PI4KA: variants seen among roughly 807,000 people sequenced by gnomAD.
PI4KA encodes the protein phosphatidylinositol 4-kinase alpha.
A neutral mutation model predicts 271.4 loss-of-function variants in PI4KA; 122 were observed. The observed-to-expected ratio is 0.45, with a 90% CI of 0.39 to 0.52. The LOEUF is 0.52. Ranked by LOEUF, PI4KA falls within the 20% of genes least tolerant of loss-of-function variation. The probability of loss-of-function intolerance (pLI) is 0.00; values close to 1 mark genes in which losing one functional copy is unlikely to be tolerated. For synonymous variants in PI4KA, 1,041 were observed against 1,078.8 expected, an observed-to-expected ratio of 0.96 and a Z score of 0.69; for missense variants, 1,969 against 2,769.1, an observed-to-expected ratio of 0.71 and a Z score of 6.48.
chr22:20,771,931 TCAAA>T (rs944730099), intron 19 of PI4KA, among the ~76,000 whole-genome samples: 6 of 151,752 alleles, frequency 4.0e-5, no homozygotes, highest in Non-Finnish European at 5.9e-5. Flanking sequence ...TAGAAAAAGG[TCAAA>T]CAAAGAAGTA....
chr22:20,838,052 C>T lies in PI4KA; in HGVS notation c.273+563G>A, dbSNP rs572916216. Among the ~76,000 whole-genome samples the T allele has an allele frequency of 3.0e-3, 446 of 150,248 alleles. 1 individual carries two copies. The highest frequency in any genetic ancestry group is 0.01 in the African/African-American group (427 of 40,838). On this transcript the variant is annotated intron_variant, in intron 2 of 54. Coordinates refer to ENST00000255882, the MANE Select transcript of PI4KA (RefSeq NM_058004.4). ...AGGAGAATCACTTGAACCCTGGAGG[C>T]AGAGGTTGCAGTGAGCCGAGATTGC... is the stretch of plus-strand genomic sequence containing the variant.
At chr22:20,723,851 T>A (rs1927033282) in intron 42 of PI4KA, among the ~76,000 whole-genome samples, 1 of 151,382 alleles carries the variant, frequency 6.6e-6, no homozygotes, top group Non-Finnish European at 1.5e-5. Context: ...TATTTATTAT[T>A]TTTTTGAGAC....
At chr22:20,783,148 G>C (rs1305319570) in intron 19 of PI4KA, among the ~76,000 whole-genome samples, 1 of 152,182 alleles carries the variant, frequency 6.6e-6, no homozygotes, top group Non-Finnish European at 1.5e-5. Context: ...ATTACTATTA[G>C]TTACTCACAT....
At chr22:20,717,885 C>G (rs942497306) in intron 44 of PI4KA, 107 bp from the exon 45 acceptor site, 1 of 731,584 alleles carries the variant, frequency 1.4e-6, no homozygotes, top group Non-Finnish European at 2.5e-6. Context: ...CCCTCTCTTC[C>G]CGGCTCTAGC....
chr22:20,775,183 G>C (rs1933170681), intron 19 of PI4KA, among the ~76,000 whole-genome samples: 1 of 151,106 alleles, frequency 6.6e-6, no homozygotes, highest in African/African-American at 2.4e-5. Flanking sequence ...AGCACAATAT[G>C]AAGTTCCCAG....
At chr22:20,747,816 C>T (rs1930275909) in intron 28 of PI4KA, 114 bp from the exon 29 acceptor site, 11 of 978,344 alleles carry the variant, frequency 1.1e-5, no homozygotes, top group Non-Finnish European at 1.7e-5. Flanking sequence ...CTCATTGCAG[C>T]CTCGACCTCT....
chr22:20,734,798 A>G (rs1380489331), intron 32 of PI4KA: 6 of 608,382 alleles, frequency 9.9e-6, no homozygotes, highest in African/African-American at 3.7e-5. Flanking sequence ...CCGTGTGGAC[A>G]TTGCAGGTGT....
intron 18 of PI4KA, among the ~76,000 whole-genome samples, chr22:20,795,418 A>G (rs1417606479): frequency 1.3e-5 from 2 of 152,200 alleles, no homozygotes; most frequent in African/African-American, 4.8e-5. Context: ...CAGCCAATAA[A>G]AAAAATACAA....
chr22:20,749,849 CT>C, intron 28 of PI4KA, 55 bp downstream of exon 28: 2 of 1,072,890 alleles, frequency 1.9e-6, no homozygotes, highest in Non-Finnish European at 2.9e-6. Flanking sequence ...CTCTGTAAAG[CT>C]TTTTTGGGAG....
chr22:20,854,755 G>A (rs1281305068), intron 1 of PI4KA, among the ~76,000 whole-genome samples: 1 of 41,024 alleles, frequency 2.4e-5, no homozygotes, highest in African/African-American at 1.4e-4. Context: ...GGGGAAGAGG[G>A]AAGAGAGAAG....
chr22:20,742,869 G>T, intron 30 of PI4KA, 105 bp from the exon 31 acceptor site: 1 of 965,512 alleles, frequency 1.0e-6, no homozygotes, highest in Non-Finnish European at 1.6e-6. Context: ...TGGGTGCCTC[G>T]CTGCCCCAAA....
intron 2 of PI4KA, among the ~76,000 whole-genome samples, chr22:20,835,050 G>A (rs1055541277): frequency 4.6e-5 from 7 of 152,162 alleles, no homozygotes; most frequent in Non-Finnish European, 1.0e-4. Context: ...TAAGATCCTG[G>A]GGATGGAGAG....
rs768217416 is a variant in PI4KA at position 20,779,812 on chromosome 22, T to C, written c.2328+13381A>G. The C allele has an allele frequency of 3.7e-6, 6 of 1,614,240 alleles. No homozygotes were observed. In the South Asian group the frequency reaches 6.6e-5, roughly 18 times the overall value. ...TCTACTGCGATGGGTATGATTTCCTTAGGTCTGAAGGGAGAGACCCATGAA... is the reference window on the plus strand; with the variant it reads ...TCTACTGCGATGGGTATGATTTCCTCAGGTCTGAAGGGAGAGACCCATGAA... On this transcript the variant is annotated intron_variant, in intron 19 of 54. Coordinates refer to ENST00000255882, the MANE Select transcript of PI4KA (RefSeq NM_058004.4).
At position 20,718,815 on chromosome 22, in the gene PI4KA, G is replaced by A. The variant is rs374474618; in HGVS notation, c.5124C>T (p.Ile1708=). The A allele has an allele frequency of 2.6e-4, 427 of 1,613,676 alleles. No homozygotes were observed. Among genetic ancestry groups the A allele is most frequent in the Non-Finnish European group, 3.0e-4 (351 of 1,179,970 alleles). ...CTACCAACTGATCCAGGAGGTCGCC[G>A]ATGTCAGCTGCCAAGGAAGCAAAGA... ...DEEGHQKDPD[I]GDLLDQLVEE... The change falls in exon 44 of 55, where the codon ATC becomes ATT. Residue 1708 remains isoleucine (I), a synonymous_variant. Coordinates refer to ENST00000255882, the MANE Select transcript of PI4KA (RefSeq NM_058004.4).
chr22:20,812,293 C>T (rs1037219301), intron 8 of PI4KA, among the ~76,000 whole-genome samples: 1 of 152,168 alleles, frequency 6.6e-6, no homozygotes, highest in Non-Finnish European at 1.5e-5. Flanking sequence ...GTTCCATCCT[C>T]ATTAATTATT....
At chr22:20,826,898 G>A (rs915990223) in intron 3 of PI4KA, among the ~76,000 whole-genome samples, 2 of 150,514 alleles carry the variant, frequency 1.3e-5, no homozygotes, top group Non-Finnish European at 3.0e-5. Context: ...TTTTAACGGG[G>A]TTTTTTTTTT....
chr22:20,828,841 C>A (rs1923786768), intron 3 of PI4KA, among the ~76,000 whole-genome samples: 1 of 152,204 alleles, frequency 6.6e-6, no homozygotes, highest in African/African-American at 2.4e-5. Context: ...GCGTGAGCCA[C>A]CACGCCTGGC....
chr22:20,827,236 G>A (rs165882), intron 3 of PI4KA, among the ~76,000 whole-genome samples: 1 of 151,908 alleles, frequency 6.6e-6, no homozygotes, highest in Non-Finnish European at 1.5e-5. Context: ...TGTATAAGGT[G>A]TAAGTAAGGG....
intron 1 of PI4KA, among the ~76,000 whole-genome samples, chr22:20,857,895 C>G (rs1018710175): frequency 6.6e-6 from 1 of 152,190 alleles, no homozygotes; most frequent in Admixed American, 6.5e-5. Context: ...GGCATGACTT[C>G]ACCTTTCTCT....
Sources: gnomAD v4.1 joint callset for allele counts (sites outside exome capture counted in the v4.1 genomes callset) on GRCh38, gnomAD v4.1.1 for gene constraint, MANE v1.5 for transcripts, NCBI Gene and HGNC (gene_info 2026-07-23, HGNC 2026-07-21) for gene names.